The following BLOC1S5 variants were observed in gnomAD, a reference collection of about 807,000 sequenced individuals.
BLOC1S5 encodes the protein biogenesis of lysosome-related organelles complex 1 subunit 5.
Under a neutral mutation model 24.3 loss-of-function variants are expected in BLOC1S5, and 27 were observed. The ratio of observed to expected loss-of-function variants is 1.11; its 90% CI spans 0.82 to 1.53. The LOEUF (loss-of-function observed/expected upper bound fraction) is 1.53, where lower values mean the gene tolerates loss of function less well. Among genes scored for constraint, BLOC1S5 ranks in the 40% most tolerant of loss-of-function variants. BLOC1S5 has a pLI of 0.00. For missense variants in BLOC1S5, 239 were observed against 229.4 expected (o/e 1.04, Z -0.27); for synonymous variants, 84 against 74.5 (o/e 1.13, Z -0.66).
rs910943571 is a variant in BLOC1S5, at chr6:8,048,668, G to A, written c.196-7400C>T. Among the ~76,000 whole-genome samples the A allele has an allele frequency of 2.6e-5, 4 of 151,962 alleles. No individual in the cohort carries two copies. The East Asian group carries it at 7.7e-4, about 29-fold the overall frequency. On this transcript the variant is annotated intron_variant, in intron 2 of 4. Coordinates refer to ENST00000397457, the MANE Select transcript of BLOC1S5 (RefSeq NM_201280.3). The stretch of plus-strand genomic sequence containing the variant: ...TATATATTTTTTAACTTTTTCTTTT[G>A]AAGGTATATTTCACTAGGATGTAAA...
chr6:8,063,330 GAA>G lies in BLOC1S5; in HGVS notation c.113-716_113-715del, dbSNP rs559218652. On this transcript the variant is annotated intron_variant, in intron 1 of 4. Coordinates refer to ENST00000397457, the MANE Select transcript of BLOC1S5 (RefSeq NM_201280.3). ...TTGTAAGTCTCTTTTTCATAAGTCTGAAAAAGTCATTAAGAAAAGGTCTGAAT... is the reference window on the plus strand; with the variant it reads ...TTGTAAGTCTCTTTTTCATAAGTCTGAAAGTCATTAAGAAAAGGTCTGAAT... 4.0e-3 allele frequency among the ~76,000 whole-genome samples: 614 copies of G among 152,210 alleles called. 5 individuals carry two copies. Among genetic ancestry groups the G allele is most frequent in the African/African-American group, 0.014 (588 of 41,536 alleles).
intron 2 of BLOC1S5, among the ~76,000 whole-genome samples, chr6:8,041,628 C>G (rs974866011): frequency 7.7e-6 from 1 of 129,146 alleles, no homozygotes; most frequent in Non-Finnish European, 1.7e-5. Flanking sequence ...TGTCTTAAAT[C>G]TTAGTAATTA....
chr6:8,059,894 T>C (rs1402691548), intron 2 of BLOC1S5, among the ~76,000 whole-genome samples: 1 of 152,228 alleles, frequency 6.6e-6, no homozygotes, highest in Admixed American at 6.5e-5. Flanking sequence ...TAAAGACCAT[T>C]CTTCAAAGCA....
At chr6:8,060,472 T>A (rs1216499623) in intron 2 of BLOC1S5, among the ~76,000 whole-genome samples, 1 of 152,100 alleles carries the variant, frequency 6.6e-6, no homozygotes, top group Non-Finnish European at 1.5e-5. Context: ...ACAACAGGAT[T>A]TGCAGACCAT....
chr6:8,044,011 C>T lies in BLOC1S5; in HGVS notation c.196-2743G>A, dbSNP rs183641369. Among the ~76,000 whole-genome samples the T allele has an allele frequency of 9.2e-5, 14 of 152,236 alleles. No individual in the cohort carries two copies. In the South Asian group the frequency reaches 1.5e-3, roughly 16 times the overall value. ...TAAGAAGTGCCTTTCAGGCCAGGCG[C>T]GATGGCTCACGCCTGTAATCCCAGC... On this transcript the variant is annotated intron_variant, in intron 2 of 4. Transcript: ENST00000397457.
intron 4 of BLOC1S5, among the ~76,000 whole-genome samples, chr6:8,016,469 G>C (rs1762738210): frequency 6.6e-6 from 1 of 151,896 alleles, no homozygotes; most frequent in Admixed American, 6.6e-5. Flanking sequence ...AAAAATATAT[G>C]CTAAAAGAAT....
At chr6:8,047,675 T>TA (rs1763954898) in intron 2 of BLOC1S5, among the ~76,000 whole-genome samples, 1 of 152,232 alleles carries the variant, frequency 6.6e-6, no homozygotes, top group Non-Finnish European at 1.5e-5. Flanking sequence ...CACAGTCTGT[T>TA]GTTTGCTGAA....
intron 1 of BLOC1S5, among the ~76,000 whole-genome samples, chr6:8,063,820 C>G (rs1442375356): frequency 6.6e-6 from 1 of 152,136 alleles, no homozygotes; most frequent in Non-Finnish European, 1.5e-5. Context: ...AGAGCGCCTT[C>G]GTAAGTGTAT....
Position 8,031,474 on chromosome 6 carries a change from C to T in BLOC1S5, c.326-5049G>A, listed in dbSNP as rs140016778. Among the ~76,000 whole-genome samples the T allele has an allele frequency of 3.5e-3, 529 of 152,176 alleles. 3 individuals carry two copies. The highest frequency in any genetic ancestry group is 0.033 in the East Asian group (170 of 5,182). ...AAACATGACTGAAAGAAATCACAGA[C>T]GACACATATGGAAATACATCCCATG... On this transcript the variant is annotated intron_variant, in intron 3 of 4. Transcript: ENST00000397457.
Position 8,064,115 on chromosome 6 carries a change from A to G in BLOC1S5, c.112+150T>C, listed in dbSNP as rs1398991077. 3 of 581,260 alleles carry G rather than the reference A, an allele frequency of 5.2e-6. No homozygotes were observed. The East Asian group carries it at 1.0e-4, about 20-fold the overall frequency. The allele number at this position is 581,260 out of a possible 1,614,324, so 36.0% of individuals were successfully genotyped here. ...TGGTGGGACGCATTTGGCGCGGGGA[A>G]AAAGGCGGGGACCGACCACGACTCC... On this transcript the variant is annotated intron_variant, in intron 1 of 4. Coordinates refer to ENST00000397457, the MANE Select transcript of BLOC1S5 (RefSeq NM_201280.3).
rs915072340 is a variant in BLOC1S5, at chr6:8,057,548, C to T, written c.195+4986G>A. On this transcript the variant is annotated intron_variant, in intron 2 of 4. Coordinates refer to ENST00000397457, the MANE Select transcript of BLOC1S5 (RefSeq NM_201280.3). ...ACTGACATAATTTAAATTTTTCTTTCAGTCACCAGATTTAAAACCATACGG... is the reference window on the plus strand; with the variant it reads ...ACTGACATAATTTAAATTTTTCTTTTAGTCACCAGATTTAAAACCATACGG... Among the ~76,000 whole-genome samples the T allele has an allele frequency of 4.6e-5, 7 of 152,266 alleles. No individual in the cohort carries two copies. In the South Asian group the frequency reaches 1.5e-3, roughly 32 times the overall value.
chr6:8,064,029 T>C (rs1201256163), intron 1 of BLOC1S5, among the ~76,000 whole-genome samples: 2 of 152,174 alleles, frequency 1.3e-5, no homozygotes, highest in Non-Finnish European at 2.9e-5. Context: ...GGGGCGGGCC[T>C]GATGGCTCAG....
At chr6:8,064,243 C>A in intron 1 of BLOC1S5, 22 bp downstream of exon 1, 1 of 1,600,170 alleles carries the variant, frequency 6.2e-7, no homozygotes, top group Admixed American at 1.7e-5. Context: ...CCACCAGGAA[C>A]TATAGCCCTG....
intron 4 of BLOC1S5, among the ~76,000 whole-genome samples, chr6:8,023,467 G>C (rs148324534): frequency 6.6e-6 from 1 of 152,052 alleles, no homozygotes; most frequent in African/African-American, 2.4e-5. Context: ...GCGTGCGCCT[G>C]TAATCCCAGC....
At position 8,041,367 on chromosome 6, in the gene BLOC1S5, C is replaced by A. The variant is rs150455783; in HGVS notation, c.196-99G>T. 4.1e-3 allele frequency: 4,898 copies of A among 1,201,198 alleles called. 137 individuals carry two copies. In the African/African-American group the frequency reaches 0.074, roughly 18 times the overall value. 74.4% of individuals were successfully genotyped at this position (1,201,198 alleles called of 1,614,324 possible). A position where few individuals can be genotyped will look rare whatever the true frequency, so the allele number is the denominator to read the frequency against. On this transcript the variant is annotated intron_variant, in intron 2 of 4. Coordinates refer to ENST00000397457, the MANE Select transcript of BLOC1S5 (RefSeq NM_201280.3). ...TCGCTCTGTCGCCCAGACTGGAGTG[C>A]GGTGGTGTGATCTCAGCTCACTGCA...
intron 2 of BLOC1S5, among the ~76,000 whole-genome samples, chr6:8,047,880 G>A (rs1763961033): frequency 6.6e-6 from 1 of 152,188 alleles, no homozygotes; most frequent in Non-Finnish European, 1.5e-5. Context: ...TACTCTATGA[G>A]GAGAAACTGC....
intron 4 of BLOC1S5, among the ~76,000 whole-genome samples, chr6:8,021,044 A>G (rs1762898606): frequency 6.6e-6 from 1 of 152,254 alleles, no homozygotes; most frequent in Non-Finnish European, 1.5e-5. Context: ...CAGTCTACAC[A>G]TACAATGGAA....
Position 8,022,880 on chromosome 6 carries a change from G to A in BLOC1S5, c.384+3487C>T, listed in dbSNP as rs564779928. On this transcript the variant is annotated intron_variant, in intron 4 of 4. Coordinates refer to ENST00000397457, the MANE Select transcript of BLOC1S5 (RefSeq NM_201280.3). ...ATTACAGGCGTGAGCCACCGCGCCCGGCCTCAAACTCTATTTAAAACAATG... is the reference window on the plus strand; with the variant it reads ...ATTACAGGCGTGAGCCACCGCGCCCAGCCTCAAACTCTATTTAAAACAATG... 2.0e-3 allele frequency among the ~76,000 whole-genome samples: 286 copies of A among 141,032 alleles called. 3 individuals carry two copies. The highest frequency in any genetic ancestry group is 3.4e-3 in the Non-Finnish European group (234 of 67,910). The allele number at this position is 141,032 out of a possible 152,430, so 92.5% of individuals were successfully genotyped here. A position where few individuals can be genotyped will look rare whatever the true frequency, so the allele number is the denominator to read the frequency against.
At chr6:8,039,341 G>A (rs575191568) in intron 3 of BLOC1S5, among the ~76,000 whole-genome samples, 17 of 152,140 alleles carry the variant, frequency 1.1e-4, no homozygotes, top group African/African-American at 3.9e-4. Context: ...ATAAATATAT[G>A]GTCTGATGGA....
Sources: allele counts gnomAD v4.1 joint callset (sites outside exome capture counted in the v4.1 genomes callset), GRCh38; gene constraint gnomAD v4.1.1; transcripts MANE v1.5; gene names NCBI Gene and HGNC (gene_info 2026-07-23, HGNC 2026-07-21).